EEPD1: variants seen among roughly 807,000 people sequenced by gnomAD.
The protein encoded by EEPD1 is endonuclease/exonuclease/phosphatase family domain-containing protein 1.
Under a neutral mutation model 46.3 loss-of-function variants are expected in EEPD1, and 17 were observed. That is an observed-to-expected ratio of 0.37 (90% confidence interval 0.25 to 0.55). The LOEUF (loss-of-function observed/expected upper bound fraction) is 0.55, where lower values mean the gene tolerates loss of function less well. Ranked by LOEUF, EEPD1 falls within the 20% of genes least tolerant of loss-of-function variation. The probability of loss-of-function intolerance (pLI) is 0.83; values close to 1 mark genes in which losing one functional copy is unlikely to be tolerated. For missense variants in EEPD1, 673 were observed against 745.6 expected (o/e 0.90, Z 1.13); for synonymous variants, 313 against 315.6 (o/e 0.99, Z 0.09).
chr7:36,229,540 A>G (rs969880129), intron 2 of EEPD1, among the ~76,000 whole-genome samples: 6 of 152,066 alleles, frequency 3.9e-5, no homozygotes, highest in African/African-American at 1.4e-4. Context: ...GCCACCCAAC[A>G]TGTTGTACCT....
At chr7:36,182,694 A>C (rs1478367651) in intron 2 of EEPD1, among the ~76,000 whole-genome samples, 1 of 152,252 alleles carries the variant, frequency 6.6e-6, no homozygotes, top group Non-Finnish European at 1.5e-5. Context: ...ACAGCTGGAA[A>C]GCAGGCAAGT....
intron 2 of EEPD1, among the ~76,000 whole-genome samples, chr7:36,173,615 A>G (rs779738228): frequency 6.6e-6 from 1 of 152,088 alleles, no homozygotes; most frequent in South Asian, 2.1e-4. Flanking sequence ...CTCCCCAGCC[A>G]TGCAGAACTG....
At chr7:36,172,751 A>G (rs1785108741) in intron 2 of EEPD1, among the ~76,000 whole-genome samples, 2 of 151,998 alleles carry the variant, frequency 1.3e-5, no homozygotes, top group East Asian at 1.9e-4. Context: ...CTTTATAATA[A>G]GCCAATAAAC....
chr7:36,274,602 T>G (rs1004747603), intron 3 of EEPD1, among the ~76,000 whole-genome samples: 3 of 152,218 alleles, frequency 2.0e-5, no homozygotes, highest in Admixed American at 1.3e-4. Flanking sequence ...GCAGGTTTAT[T>G]ACATAGGTAA....
In EEPD1 at chr7:36,262,858, C is replaced by G. The variant is rs116681138; in HGVS notation, c.931-18257C>G. The stretch of plus-strand genomic sequence containing the variant: ...GTTTATCTGTTGGGAGACTGCCATT[C>G]CCTGGGGGCAGCTGTAAACAAATAT... On this transcript the variant is annotated intron_variant, in intron 3 of 7. Coordinates refer to ENST00000242108, the MANE Select transcript of EEPD1 (RefSeq NM_030636.3). Among the ~76,000 whole-genome samples, 231 of 152,230 alleles carry G rather than the reference C, an allele frequency of 1.5e-3. 1 individual carries two copies. Among genetic ancestry groups the G allele is most frequent in the African/African-American group, 5.3e-3 (219 of 41,524 alleles).
intron 3 of EEPD1, among the ~76,000 whole-genome samples, chr7:36,276,495 G>A (rs1787184823): frequency 6.6e-6 from 1 of 152,180 alleles, no homozygotes; most frequent in African/African-American, 2.4e-5. Flanking sequence ...GCCATAGTGT[G>A]ACGGGCTCAG....
chr7:36,297,327 CAG>C, intron 7 of EEPD1, 140 bp downstream of exon 7: 1 of 986,036 alleles, frequency 1.0e-6, no homozygotes, highest in Non-Finnish European at 1.5e-6. Flanking sequence ...GTCATTTAAT[CAG>C]AGACAGAATC....
At chr7:36,194,490 T>C (rs965178394) in intron 2 of EEPD1, among the ~76,000 whole-genome samples, 14 of 152,190 alleles carry the variant, frequency 9.2e-5, no homozygotes, top group African/African-American at 3.4e-4. Context: ...TCCTGGTTCC[T>C]CCTCCTGCCC....
At position 36,155,031 on chromosome 7, in the gene EEPD1, G is replaced by A. The variant is rs760257117; in HGVS notation, c.707G>A (p.Gly236Glu). ...AGTGAGGACCTGGACCTGCCGCCAG[G>A]GGGGCCCACCCAGATTATCTCCACT... ...LQSEDLDLPP[G>E]GPTQIISTRP... The change falls in exon 2 of 8, where the codon GGG becomes GAG. Residue 236 changes from glycine (G) to glutamate (E), a missense_variant. Gly to Glu is a moderately conservative substitution (Grantham distance 98). Transcript: ENST00000242108. 6.2e-7 allele frequency: 1 copy of A among 1,604,630 alleles called. No individual in the cohort carries two copies. The highest frequency in any genetic ancestry group is 8.5e-7 in the Non-Finnish European group (1 of 1,173,790).
chr7:36,219,806 A>AGAGAGAGAGTGTGTGTGTGT (rs1341203087), intron 2 of EEPD1, among the ~76,000 whole-genome samples: 1 of 75,400 alleles, frequency 1.3e-5, no homozygotes, highest in Non-Finnish European at 2.6e-5. Flanking sequence ...AGAGAGAGAG[A>AGAGAGAGAGTGTGTGTGTGT]GTGTGTGTGT....
At position 36,300,211 on chromosome 7, in the gene EEPD1, C is replaced by T. The variant is rs1787598333; in HGVS notation, c.*1005C>T. On this transcript the variant is annotated 3_prime_UTR_variant, in exon 8 of 8. Transcript: ENST00000242108. Reference sequence around the variant, plus strand: ...TCATGGAGAGTGTCCCTCCTAGTGGCTGGAGGTAGGGACAGTTGGTTGTGG... The same window carrying T: ...TCATGGAGAGTGTCCCTCCTAGTGGTTGGAGGTAGGGACAGTTGGTTGTGG... The T allele has an allele frequency of 6.6e-6, 1 of 152,216 alleles. No individual in the cohort carries two copies. The highest frequency in any genetic ancestry group is 1.5e-5 in the Non-Finnish European group (1 of 68,068). 9.4% of individuals were successfully genotyped at this position (152,216 alleles called of 1,614,324 possible).
intron 2 of EEPD1, among the ~76,000 whole-genome samples, chr7:36,192,717 A>G (rs1382289247): frequency 6.6e-6 from 1 of 152,190 alleles, no homozygotes; most frequent in Non-Finnish European, 1.5e-5. Context: ...TAAAAATGAG[A>G]TTAACATCTA....
chr7:36,272,503 G>GTTTTTTTTTTTTTTTTTTTTTTTTT (rs768898390), intron 3 of EEPD1, among the ~76,000 whole-genome samples: 1 of 122,652 alleles, frequency 8.2e-6, no homozygotes, highest in African/African-American at 3.2e-5. Context: ...GTTTTTTGTT[G>GTTTTTTTTTTTTTTTTTTTTTTTTT]TTGTTTTTTT....
intron 2 of EEPD1, among the ~76,000 whole-genome samples, chr7:36,234,807 G>T (rs1786400748): frequency 1.3e-5 from 2 of 152,136 alleles, no homozygotes; most frequent in South Asian, 4.2e-4. Context: ...CATTCTGGGT[G>T]GGCAGGGAGT....
chr7:36,171,146 C>T (rs1472253779), intron 2 of EEPD1, among the ~76,000 whole-genome samples: 1 of 152,194 alleles, frequency 6.6e-6, no homozygotes, highest in Non-Finnish European at 1.5e-5. Context: ...CGGTCTTGAA[C>T]TCCTGGGCTC....
rs1405495180 is a variant in EEPD1, at chr7:36,287,642, G to A, written c.1180G>A (p.Gly394Arg). 6.2e-7 allele frequency: 1 copy of A among 1,613,500 alleles called. No homozygotes were observed. The highest frequency in any genetic ancestry group is 8.5e-7 in the Non-Finnish European group (1 of 1,179,692). The stretch of plus-strand genomic sequence containing the variant: ...TGCTTTGTTTCCTGCTGCCTAGGTG[G>A]GAAGTCACGACCTGACCCTTGTTAA... ...PSPYLGRFKV[G>R]SHDLTLVNLH... The change falls in exon 6 of 8, where the codon GGA becomes AGA. Residue 394 changes from glycine to arginine, a missense_variant. Physicochemically the swap from Gly to Arg is moderately radical, Grantham distance 125 (BLOSUM62 -2). Transcript: ENST00000242108.
At chr7:36,266,545 C>CTCT (rs987045292) in intron 3 of EEPD1, among the ~76,000 whole-genome samples, 34 of 152,336 alleles carry the variant, frequency 2.2e-4, no homozygotes, top group African/African-American at 7.5e-4. Flanking sequence ...TAGCCCATCA[C>CTCT]TCAAGTCACT....
intron 2 of EEPD1, among the ~76,000 whole-genome samples, chr7:36,199,946 A>G (rs1164570790): frequency 1.3e-5 from 2 of 152,176 alleles, no homozygotes; most frequent in Non-Finnish European, 2.9e-5. Flanking sequence ...ACCTGGCCCT[A>G]TGTAGGCATT....
intron 2 of EEPD1, among the ~76,000 whole-genome samples, chr7:36,156,303 C>G (rs1482662041): frequency 6.6e-6 from 1 of 152,036 alleles, no homozygotes; most frequent in African/African-American, 2.4e-5. Context: ...TGGCACTGAC[C>G]CAGTGGCATG....
Sources: gnomAD v4.1 joint callset for allele counts (sites outside exome capture counted in the v4.1 genomes callset) on GRCh38, gnomAD v4.1.1 for gene constraint, MANE v1.5 for transcripts, NCBI Gene and HGNC (gene_info 2026-07-23, HGNC 2026-07-21) for gene names.